ZNF704: variants seen among roughly 807,000 people sequenced by gnomAD.
ZNF704 encodes glucocorticoid induced gene 1.
ZNF704 carries 10 observed loss-of-function variants against 44.7 expected under a neutral mutation model. That is an observed-to-expected ratio of 0.22 (90% confidence interval 0.14 to 0.38). The LOEUF is 0.38. Ranked by LOEUF, ZNF704 falls within the 10% of genes least tolerant of loss-of-function variation. The probability of loss-of-function intolerance (pLI) is 1.00; values close to 1 mark genes in which losing one functional copy is unlikely to be tolerated. For synonymous variants in ZNF704, 211 were observed against 207.6 expected (o/e 1.02, Z -0.14); for missense variants, 390 against 545.5 (o/e 0.71, Z 2.84).
chr8:80,664,930 G>A lies in ZNF704; in HGVS notation c.812C>T (p.Pro271Leu), dbSNP rs145837256. The change falls in exon 6 of 9, where the codon CCA becomes CTA. Residue 271 changes from proline to leucine, a missense_variant. Pro to Leu is a moderately conservative substitution (Grantham distance 98, BLOSUM62 -3). This residue lies in a region of ZNF704 where 305 missense variants were observed against 435.7 expected (regional missense o/e 0.70). Coordinates refer to ENST00000327835, the MANE Select transcript of ZNF704 (RefSeq NM_001033723.3). ...SLASPPTFPI[P>L]DSSRTETPCA... Reference sequence around the variant, plus strand: ...AGGAGTTTCTGTTCGGCTTGAATCTGGGATGGGGAAAGTAGGAGGTGAAGC... The same window carrying A: ...AGGAGTTTCTGTTCGGCTTGAATCTAGGATGGGGAAAGTAGGAGGTGAAGC... 7.4e-6 allele frequency: 12 copies of A among 1,614,188 alleles called. No homozygotes were observed. Among genetic ancestry groups the A allele is most frequent in the Non-Finnish European group, 1.0e-5 (12 of 1,180,044 alleles).
chr8:80,738,798 T>C (rs1806708071), intron 2 of ZNF704, among the ~76,000 whole-genome samples: 1 of 152,192 alleles, frequency 6.6e-6, no homozygotes. Context: ...ACTCAGCAGA[T>C]ACTTATTGGC....
intron 7 of ZNF704, among the ~76,000 whole-genome samples, chr8:80,643,772 T>C (rs1817784039): frequency 6.6e-6 from 1 of 152,174 alleles, no homozygotes; most frequent in African/African-American, 2.4e-5. Flanking sequence ...CTATTTCTTT[T>C]GATCCTCATG....
At chr8:80,870,761 T>A (rs1317325089) in intron 1 of ZNF704, among the ~76,000 whole-genome samples, 1 of 152,060 alleles carries the variant, frequency 6.6e-6, no homozygotes, top group Non-Finnish European at 1.5e-5. Context: ...GCCCCCAGGC[T>A]TTACATGACA....
upstream of ZNF704, among the ~76,000 whole-genome samples, chr8:80,877,315 G>A (rs969152235): frequency 6.6e-6 from 1 of 152,092 alleles, no homozygotes; most frequent in South Asian, 2.1e-4. Flanking sequence ...GTTCAGGCAG[G>A]GAGAGCAGCA....
chr8:80,856,192 C>G (rs1808958359), intron 1 of ZNF704, among the ~76,000 whole-genome samples: 1 of 152,096 alleles, frequency 6.6e-6, no homozygotes. Context: ...CTCCTGGCTT[C>G]AAGCAATCCT....
At chr8:80,876,958 A>G (rs1809363504), upstream of ZNF704, among the ~76,000 whole-genome samples, 1 of 152,212 alleles carries the variant, frequency 6.6e-6, no homozygotes, top group Admixed American at 6.5e-5. Context: ...ATTGCTATAG[A>G]TGAAAGAAAG....
intron 2 of ZNF704, among the ~76,000 whole-genome samples, chr8:80,728,868 T>C (rs558157115): frequency 3.0e-4 from 46 of 152,206 alleles, no homozygotes; most frequent in Middle Eastern, 6.8e-3. Context: ...CAGAGAAATA[T>C]AGTAAGGAAT....
chr8:80,719,439 A>T (rs1185966586), intron 2 of ZNF704, among the ~76,000 whole-genome samples: 1 of 152,248 alleles, frequency 6.6e-6, no homozygotes. Flanking sequence ...AAAAGATCAA[A>T]GTAACAATAA....
chr8:80,754,070 G>C (rs1163863584), intron 2 of ZNF704, among the ~76,000 whole-genome samples: 1 of 152,138 alleles, frequency 6.6e-6, no homozygotes, highest in Non-Finnish European at 1.5e-5. Flanking sequence ...TATCAGAAAT[G>C]AGCAAAACAA....
intron 1 of ZNF704, among the ~76,000 whole-genome samples, chr8:80,850,937 T>G (rs375029482): frequency 6.6e-6 from 1 of 152,220 alleles, no homozygotes; most frequent in African/African-American, 2.4e-5. Context: ...GCTATCACAG[T>G]TGCACATTGC....
intron 5 of ZNF704, 24 bp downstream of exon 5, chr8:80,670,479 T>C: frequency 6.4e-7 from 1 of 1,573,358 alleles, no homozygotes; most frequent in Non-Finnish European, 8.7e-7. Flanking sequence ...GGGGGCTGCA[T>C]CCCTGAAGAG....
At position 80,783,426 on chromosome 8, in the gene ZNF704, T is replaced by C. The variant is rs1013314389; in HGVS notation, c.221+37948A>G. On this transcript the variant is annotated intron_variant, in intron 2 of 8. Coordinates refer to ENST00000327835, the MANE Select transcript of ZNF704 (RefSeq NM_001033723.3). Reference sequence around the variant, plus strand: ...GTGGTTTGCTGCACAGATAATCCCATCACCTAGGTATTAAGCCCAGCAACT... The same window carrying C: ...GTGGTTTGCTGCACAGATAATCCCACCACCTAGGTATTAAGCCCAGCAACT... Among the ~76,000 whole-genome samples, 3 of 152,158 alleles carry C rather than the reference T, an allele frequency of 2.0e-5. No homozygotes were observed. The East Asian group carries it at 5.8e-4, about 29-fold the overall frequency.
At chr8:80,831,538 T>G (rs548061536) in intron 1 of ZNF704, among the ~76,000 whole-genome samples, 40 of 152,346 alleles carry the variant, frequency 2.6e-4, no homozygotes, top group Middle Eastern at 3.4e-3. Context: ...AAAATCACTC[T>G]ATGCTATAGG....
chr8:80,821,735 T>C, intron 1 of ZNF704, 120 bp from the exon 2 acceptor site: 1 of 718,552 alleles, frequency 1.4e-6, no homozygotes, highest in Non-Finnish European at 2.3e-6. Flanking sequence ...AAAGATTGTA[T>C]AATTTTAATA....
chr8:80,655,489 C>T (rs2131601177), intron 7 of ZNF704, among the ~76,000 whole-genome samples: 1 of 152,172 alleles, frequency 6.6e-6, no homozygotes, highest in East Asian at 1.9e-4. Flanking sequence ...GAGCCGCTTT[C>T]TCTGACCCAT....
At position 80,823,769 on chromosome 8, in the gene ZNF704, T is replaced by C. The variant is rs183237546; in HGVS notation, c.-21-2154A>G. 5.4e-4 allele frequency among the ~76,000 whole-genome samples: 83 copies of C among 152,306 alleles called. 1 individual carries two copies. The East Asian group carries it at 0.014, about 27-fold the overall frequency. ...GCAACATTTGCCATTCTGTAATATTTGCTGTTCTGCAGCCTCCGCTGGTGA... is the reference window on the plus strand; with the variant it reads ...GCAACATTTGCCATTCTGTAATATTCGCTGTTCTGCAGCCTCCGCTGGTGA... On this transcript the variant is annotated intron_variant, in intron 1 of 8. Transcript: ENST00000327835.
chr8:80,654,784 G>A (rs1272075194), intron 7 of ZNF704, among the ~76,000 whole-genome samples: 1 of 152,174 alleles, frequency 6.6e-6, no homozygotes, highest in African/African-American at 2.4e-5. Context: ...TCAGTGTAGC[G>A]ATTCCTCAGG....
intron 2 of ZNF704, among the ~76,000 whole-genome samples, chr8:80,769,890 T>A (rs1807290610): frequency 1.3e-5 from 2 of 152,138 alleles, no homozygotes; most frequent in African/African-American, 4.8e-5. Context: ...TGCTAAGACA[T>A]ACCTAAGACT....
intron 2 of ZNF704, among the ~76,000 whole-genome samples, chr8:80,711,788 C>G (rs1818991448): frequency 6.6e-6 from 1 of 152,148 alleles, no homozygotes; most frequent in African/African-American, 2.4e-5. Flanking sequence ...TCTGATTCAT[C>G]TATTATAATT....
Sources: allele counts gnomAD v4.1 joint callset (sites outside exome capture counted in the v4.1 genomes callset), GRCh38; gene constraint gnomAD v4.1.1; regional missense constraint gnomAD v4.1.1; transcripts MANE v1.5; gene names NCBI Gene and HGNC (gene_info 2026-07-23, HGNC 2026-07-21).